NRP1: variants seen among roughly 807,000 people sequenced by gnomAD.
NRP1 encodes the protein neuropilin-1.
A neutral mutation model predicts 106.7 loss-of-function variants in NRP1; 35 were observed. That is an observed-to-expected ratio of 0.33 (90% CI 0.25 to 0.43). The LOEUF is 0.43. Ranked by LOEUF, NRP1 falls within the 20% of genes least tolerant of loss-of-function variation. The probability of loss-of-function intolerance (pLI) is 1.00; values close to 1 mark genes in which losing one functional copy is unlikely to be tolerated. For synonymous variants in NRP1, 437 were observed against 417.9 expected (o/e 1.05, Z -0.56); for missense variants, 1,024 against 1,170.4 (o/e 0.87, Z 1.83).
Position 33,270,782 on chromosome 10 carries a change from G to A in NRP1, c.323C>T (p.Ala108Val). ...HFRGKFCGKI[A>V]PPPVVSSGPF... ...CCCTGAAGACACAACAGGAGGAGGG[G>A]CTATCTTTCCACAGAACTTTCCCCT... Residue 108 changes from alanine (A) to valine (V), a missense_variant, in exon 3 of 17, where the codon GCC becomes GTC. Physicochemically the swap from Ala to Val is moderately conservative, Grantham distance 64 (BLOSUM62 0). Around this residue, in one of 5 missense-constraint regions of NRP1, gnomAD observed 279 missense variants for 327.4 expected, o/e 0.85. Transcript: ENST00000374867. 6.2e-7 allele frequency: 1 copy of A among 1,613,744 alleles called. No individual in the cohort carries two copies. The highest frequency in any genetic ancestry group is 2.2e-5 in the East Asian group (1 of 44,880).
At chr10:33,185,215 A>C (rs1340105318) in intron 15 of NRP1, among the ~76,000 whole-genome samples, 1 of 152,200 alleles carries the variant, frequency 6.6e-6, no homozygotes, top group Non-Finnish European at 1.5e-5. Context: ...ATGCATTCTT[A>C]ATTAAACTTA....
At chr10:33,208,396 C>G (rs1837993478) in intron 9 of NRP1, among the ~76,000 whole-genome samples, 1 of 152,204 alleles carries the variant, frequency 6.6e-6, no homozygotes, top group Admixed American at 6.5e-5. Flanking sequence ...CTTGAAGTCC[C>G]TGTGACAGTT....
At chr10:33,242,743 G>C (rs1277414278) in intron 6 of NRP1, among the ~76,000 whole-genome samples, 1 of 152,090 alleles carries the variant, frequency 6.6e-6, no homozygotes, top group African/African-American at 2.4e-5. Flanking sequence ...TTGCCTTTGG[G>C]TCTACCTGGG....
chr10:33,301,417 C>A (rs796982228), intron 2 of NRP1, among the ~76,000 whole-genome samples: 23 of 152,268 alleles, frequency 1.5e-4, no homozygotes, highest in African/African-American at 5.3e-4. Context: ...GTAAACAGTC[C>A]ATAAATATCA....
chr10:33,217,348 C>A (rs764603774), intron 8 of NRP1, among the ~76,000 whole-genome samples: 22 of 151,006 alleles, frequency 1.5e-4, no homozygotes, highest in Non-Finnish European at 2.7e-4. Context: ...CAAAGTGAGA[C>A]TGTTATTCCT....
chr10:33,291,103 C>T (rs975136961), intron 2 of NRP1, among the ~76,000 whole-genome samples: 5 of 152,134 alleles, frequency 3.3e-5, no homozygotes, highest in Non-Finnish European at 7.4e-5. Context: ...CGTAGGTGTC[C>T]ACAGAAAGCA....
At chr10:33,249,714 T>C (rs2269085) in intron 6 of NRP1, among the ~76,000 whole-genome samples, 39,925 of 152,062 alleles carry the variant, frequency 0.26, 5,729 homozygotes, top group East Asian at 0.54. Context: ...GAAATTTTAG[T>C]AGCTCAGGAT....
At chr10:33,205,011 C>T (rs1290900079) in intron 10 of NRP1, among the ~76,000 whole-genome samples, 10 of 152,214 alleles carry the variant, frequency 6.6e-5, no homozygotes, top group Non-Finnish European at 1.5e-4. Context: ...GGATTACAGG[C>T]ATGAGCCACC....
chr10:33,288,074 A>C (rs1341170817), intron 2 of NRP1, among the ~76,000 whole-genome samples: 1 of 152,192 alleles, frequency 6.6e-6, no homozygotes, highest in Non-Finnish European at 1.5e-5. Flanking sequence ...CTTTGATGAC[A>C]GTCCTAAAAA....
At chr10:33,186,793 C>T (rs949937313) in intron 13 of NRP1, among the ~76,000 whole-genome samples, 23 of 152,198 alleles carry the variant, frequency 1.5e-4, no homozygotes, top group Non-Finnish European at 2.5e-4. Context: ...TGCACCATCA[C>T]AAGCAAACTG....
chr10:33,186,566 A>G, intron 13 of NRP1, 78 bp from the exon 14 acceptor site: 1 of 1,502,442 alleles, frequency 6.7e-7, no homozygotes, highest in South Asian at 1.3e-5. Flanking sequence ...AAGTCTCACT[A>G]ATCAAAAGCT....
At chr10:33,258,289 T>C (rs1414236134) in intron 4 of NRP1, among the ~76,000 whole-genome samples, 1 of 152,178 alleles carries the variant, frequency 6.6e-6, no homozygotes, top group African/African-American at 2.4e-5. Context: ...ATAAAATAAC[T>C]AAAGTAAACC....
At chr10:33,254,426 A>G (rs1842065599) in intron 5 of NRP1, among the ~76,000 whole-genome samples, 1 of 152,226 alleles carries the variant, frequency 6.6e-6, no homozygotes, top group Admixed American at 6.5e-5. Context: ...CTAGGTTGAC[A>G]AAAAGACTAT....
At chr10:33,205,839 T>TC (rs879443948) in intron 10 of NRP1, 2 of 180,962 alleles carry the variant, frequency 1.1e-5, no homozygotes, top group Non-Finnish European at 2.4e-5. Flanking sequence ...TTCATTTTTT[T>TC]CCCCCTAAAC....
intron 3 of NRP1, among the ~76,000 whole-genome samples, chr10:33,269,686 A>G (rs1457011449): frequency 2.0e-5 from 3 of 152,126 alleles, no homozygotes; most frequent in Admixed American, 6.5e-5. Flanking sequence ...GTCTGTATTT[A>G]CAGCCACTCC....
chr10:33,272,551 G>A (rs1230239256), intron 2 of NRP1, among the ~76,000 whole-genome samples: 2 of 152,006 alleles, frequency 1.3e-5, no homozygotes, highest in African/African-American at 2.4e-5. Flanking sequence ...AGGAGGAGGA[G>A]GAAGAAGAAA....
intron 13 of NRP1, among the ~76,000 whole-genome samples, chr10:33,190,073 C>T (rs946110062): frequency 2.0e-5 from 3 of 152,212 alleles, no homozygotes; most frequent in Non-Finnish European, 2.9e-5. Flanking sequence ...TGTTAATCTA[C>T]GACAAGCTCT....
chr10:33,207,503 CA>C, intron 10 of NRP1, 68 bp downstream of exon 10: 2 of 1,569,704 alleles, frequency 1.3e-6, no homozygotes, highest in Non-Finnish European at 1.7e-6. Context: ...AAGGCACCAT[CA>C]GGGGCATAAA....
At chr10:33,264,857 C>T (rs1842816705) in intron 3 of NRP1, among the ~76,000 whole-genome samples, 1 of 152,122 alleles carries the variant, frequency 6.6e-6, no homozygotes, top group Non-Finnish European at 1.5e-5. Context: ...GCCTGTAATG[C>T]CAGCACTTTG....
Sources: allele counts gnomAD v4.1 joint callset (sites outside exome capture counted in the v4.1 genomes callset), GRCh38; gene constraint gnomAD v4.1.1; regional missense constraint gnomAD v4.1.1; transcripts MANE v1.5; gene names NCBI Gene and HGNC (gene_info 2026-07-23, HGNC 2026-07-21).